SPTBN2: variants seen among roughly 807,000 people sequenced by gnomAD.
SPTBN2 encodes the protein spectrin beta, non-erythrocytic 2, also known as spectrin beta chain, non-erythrocytic 2.
A neutral mutation model predicts 284.2 loss-of-function variants in SPTBN2; 107 were observed. The observed-to-expected ratio is 0.38, with a 90% CI of 0.32 to 0.44. The LOEUF is 0.44. Ranked by LOEUF, SPTBN2 falls within the 20% of genes least tolerant of loss-of-function variation. The probability of loss-of-function intolerance (pLI) is 1.00; values close to 1 mark genes in which losing one functional copy is unlikely to be tolerated. For synonymous variants in SPTBN2, 1,289 were observed against 1,354.8 expected, an observed-to-expected ratio of 0.95 and a Z score of 1.07; for missense variants, 2,569 against 3,287.1, an observed-to-expected ratio of 0.78 and a Z score of 5.34.
chr11:66,707,586 A>G lies in SPTBN2; in HGVS notation c.1583T>C (p.Leu528Pro). ...QMVAARRERL[L>P]LNLELQKVFQ... ...CACCTTCTGCAGCTCCAGGTTGAGG[A>G]GGAGCCGCTCCCGCCGGGCGGCCAC... Residue 528 changes from leucine (L) to proline (P), a missense_variant, in exon 13 of 38, where the codon CTC becomes CCC. Around this residue, in one of 6 missense-constraint regions of SPTBN2, gnomAD observed 1,012 missense variants for 1,248.9 expected, o/e 0.81. Transcript: ENST00000533211. This position sits in a 1 kb window ranked among gnomAD's most constrained non-coding sequence, Gnocchi z 4.9. 6.2e-7 allele frequency: 1 copy of G among 1,612,048 alleles called. No individual in the cohort carries two copies. The highest frequency in any genetic ancestry group is 1.1e-5 in the South Asian group (1 of 91,042).
chr11:66,715,931 G>A lies in SPTBN2; in HGVS notation c.208C>T (p.His70Tyr). The part of the protein sequence containing the change: ...KKTFTKWVNS[H>Y]LARVTCRVGD... ...ACCCGGCACGTGACCCGGGCCAGGTGCGAGTTTACCCACTTGGTGAAGGTT... is the reference window on the plus strand; with the variant it reads ...ACCCGGCACGTGACCCGGGCCAGGTACGAGTTTACCCACTTGGTGAAGGTT... The change falls in exon 4 of 38, where the codon CAC (histidine) becomes TAC (tyrosine). Residue 70 changes from histidine (H) to tyrosine (Y), a missense_variant. His to Tyr is a moderately conservative substitution (Grantham distance 83). Transcript: ENST00000533211. The surrounding 1 kb of genome is among the most constrained non-coding windows in gnomAD (Gnocchi z 5.3). 2 of 1,614,146 alleles carry A rather than the reference G, an allele frequency of 1.2e-6. No individual in the cohort carries two copies. The highest frequency in any genetic ancestry group is 1.7e-6 in the Non-Finnish European group (2 of 1,180,030).
rs1941789084 is a variant in SPTBN2, at chr11:66,710,351, T to C, written c.1073+231A>G. Among the ~76,000 whole-genome samples the C allele has an allele frequency of 6.6e-6, 1 of 152,244 alleles. No homozygotes were observed. The highest frequency in any genetic ancestry group is 2.4e-5 in the African/African-American group (1 of 41,476). Reference sequence around the variant, plus strand: ...CGCCCGCCTTGGCCTCCCAAAGTGCTGGGATTACAGGCGTGAGCCACCATG... The same window carrying C: ...CGCCCGCCTTGGCCTCCCAAAGTGCCGGGATTACAGGCGTGAGCCACCATG... On this transcript the variant is annotated intron_variant, in intron 10 of 37. Transcript: ENST00000533211. This position sits in a 1 kb window ranked among gnomAD's most constrained non-coding sequence, Gnocchi z 4.9.
intron 36 of SPTBN2, chr11:66,686,738 T>C: frequency 1.6e-6 from 1 of 637,534 alleles, no homozygotes; most frequent in South Asian, 1.9e-5. Context: ...TCCCTACCTT[T>C]GGATTTCCCA....
chr11:66,699,434 G>A lies in SPTBN2; in HGVS notation c.3748C>T (p.Arg1250Trp), dbSNP rs766723349. The A allele has an allele frequency of 1.7e-5, 28 of 1,614,000 alleles. No individual in the cohort carries two copies. Among genetic ancestry groups the A allele is most frequent in the African/African-American group, 8.0e-5 (6 of 74,984 alleles). ...CTCTCAATGGAGTCTGCCTTTTCCC[G>A]AATCTTGTCGGCGTGGATGTTGCCT... ...SEGNIHADKI[R>W]EKADSIERRH... The change falls in exon 18 of 38, where the codon CGG (arginine) becomes TGG (tryptophan). Residue 1250 changes from arginine (R) to tryptophan (W), a missense_variant. By Grantham distance (101) the Arg-to-Trp change is moderately radical. This residue lies in a region of SPTBN2 where 1,012 missense variants were observed against 1,248.9 expected (regional missense o/e 0.81). Coordinates refer to ENST00000533211, the MANE Select transcript of SPTBN2 (RefSeq NM_006946.4).
At position 66,739,904 on chromosome 11, in the gene SPTBN2, T is replaced by A. The variant is rs552934157; in HGVS notation, c.-475+4638A>T. Among the ~76,000 whole-genome samples, 265 of 152,230 alleles carry A rather than the reference T, an allele frequency of 1.7e-3. 2 individuals are homozygous for A. The highest frequency in any genetic ancestry group is 6.0e-3 in the African/African-American group (251 of 41,546). ...AAAATTAGCCAGGTACGGTGATGCA[T>A]GCCTGTAATCCCAGCTGCTCGTGAG... On this transcript the variant is annotated intron_variant, in intron 1 of 37. Coordinates refer to the SPTBN2 transcript ENST00000611817.
At chr11:66,706,099 C>T (rs894574229) in intron 13 of SPTBN2, among the ~76,000 whole-genome samples, 6 of 152,106 alleles carry the variant, frequency 3.9e-5, no homozygotes, top group Admixed American at 2.0e-4. Flanking sequence ...TCAGAATCAT[C>T]GACACCCTCC....
chr11:66,730,954 T>C (rs924451085), upstream of SPTBN2, among the ~76,000 whole-genome samples: 4 of 152,206 alleles, frequency 2.6e-5, no homozygotes, highest in African/African-American at 9.6e-5. Flanking sequence ...ACAGGGAGTA[T>C]AGCAGAATGG....
Position 66,700,165 on chromosome 11 carries a change from G to A in SPTBN2, c.3573+361C>T, listed in dbSNP as rs945193779. On this transcript the variant is annotated intron_variant, in intron 17 of 37. Transcript: ENST00000533211. The surrounding 1 kb of genome is among the most constrained non-coding windows in gnomAD (Gnocchi z 6.6). ...GATGGGGGTCTCACTATGTTGCCCA[G>A]GCTGGTCTCAAACTCCTGAGCTCAA... Among the ~76,000 whole-genome samples, 1 of 151,768 alleles carries A rather than the reference G, an allele frequency of 6.6e-6. No homozygotes were observed. The highest frequency in any genetic ancestry group is 1.5e-5 in the Non-Finnish European group (1 of 67,962).
At chr11:66,721,774 G>A (rs909603898) in intron 1 of SPTBN2, among the ~76,000 whole-genome samples, 4 of 152,166 alleles carry the variant, frequency 2.6e-5, no homozygotes, top group Admixed American at 6.5e-5. Flanking sequence ...TGTTGGGCGC[G>A]GTGGCTCACG....
At chr11:66,694,568 A>G (rs895807276) in intron 21 of SPTBN2, among the ~76,000 whole-genome samples, 3 of 152,160 alleles carry the variant, frequency 2.0e-5, no homozygotes, top group African/African-American at 7.2e-5. Flanking sequence ...AAAAATCCCT[A>G]TTGGGTACTG....
intron 3 of SPTBN2, among the ~76,000 whole-genome samples, chr11:66,717,505 C>T (rs1414263558): frequency 6.6e-6 from 1 of 152,228 alleles, no homozygotes; most frequent in African/African-American, 2.4e-5. Context: ...GTGTCTTTCA[C>T]CTCCAGCCAC....
intron 30 of SPTBN2, 63 bp from the exon 31 acceptor site, chr11:66,688,912 G>A: frequency 1.3e-6 from 2 of 1,583,360 alleles, no homozygotes; most frequent in Middle Eastern, 1.7e-4. Context: ...GGGCACAGTG[G>A]CCATGGCAAC....
intron 5 of SPTBN2, among the ~76,000 whole-genome samples, chr11:66,714,858 G>A (rs1233241435): frequency 2.0e-5 from 3 of 152,172 alleles, no homozygotes; most frequent in Non-Finnish European, 4.4e-5. Flanking sequence ...TTATGGCAGG[G>A]AATTGGTGCC....
At chr11:66,722,627 TC>T (rs1192595342) in intron 1 of SPTBN2, among the ~76,000 whole-genome samples, 1 of 141,782 alleles carries the variant, frequency 7.1e-6, no homozygotes, top group Non-Finnish European at 1.5e-5. Context: ...GGGCATTGGC[TC>T]ACACCTGTAA....
In SPTBN2 at chr11:66,685,966, G is replaced by C. The variant is rs1315086037; in HGVS notation, c.7078C>G (p.Pro2360Ala). 1 of 1,613,854 alleles carries C rather than the reference G, an allele frequency of 6.2e-7. No homozygotes were observed. Among genetic ancestry groups the C allele is most frequent in the Non-Finnish European group, 8.5e-7 (1 of 1,180,014 alleles). The change falls in exon 38 of 38, where the codon CCC (proline) becomes GCC (alanine). Residue 2360 changes from proline (P) to alanine (A), a missense_variant. This residue lies in a region of SPTBN2 where 1,130 missense variants were observed against 1,317.3 expected (regional missense o/e 0.86). Coordinates refer to ENST00000533211, the MANE Select transcript of SPTBN2 (RefSeq NM_006946.4). The surrounding 1 kb of genome is among the most constrained non-coding windows in gnomAD (Gnocchi z 4.4). ...ACAACAGGCCCCTCAGCCCCGACGG[G>C]TGACACTGGGGGCATGGTCATGGCC... Reference protein sequence around the residue: ...TRAMTMPPVSPVGAEGPVVLR... With the variant: ...TRAMTMPPVSAVGAEGPVVLR...
intron 20 of SPTBN2, among the ~76,000 whole-genome samples, chr11:66,698,086 G>C (rs1941030120): frequency 6.6e-6 from 1 of 152,186 alleles, no homozygotes; most frequent in Admixed American, 6.5e-5. Flanking sequence ...AGCTGGGTGG[G>C]AGACCAAGAA....
In SPTBN2 at chr11:66,704,343, T is replaced by G. The variant is rs1244606311; in HGVS notation, c.2678+255A>C. Among the ~76,000 whole-genome samples, 4 of 152,288 alleles carry G rather than the reference T, an allele frequency of 2.6e-5. No individual in the cohort carries two copies. In the South Asian group the frequency reaches 8.3e-4, roughly 32 times the overall value. ...GATGTGCTAATCTTGGGGATTTGCTTTTTAAAAGGGCAGAGAACCAAATAG... is the reference window on the plus strand; with the variant it reads ...GATGTGCTAATCTTGGGGATTTGCTGTTTAAAAGGGCAGAGAACCAAATAG... On this transcript the variant is annotated intron_variant, in intron 15 of 37. Transcript: ENST00000533211.
chr11:66,704,557 A>AC, intron 15 of SPTBN2, 41 bp downstream of exon 15: 2 of 1,033,982 alleles, frequency 1.9e-6, no homozygotes, highest in Non-Finnish European at 2.7e-6. Context: ...CCCCACCCCC[A>AC]CCTCCCAAGG....
In SPTBN2 at chr11:66,691,268, C is replaced by T; in HGVS notation, c.5565+16G>A. The T allele has an allele frequency of 6.6e-7, 1 of 1,515,402 alleles. No homozygotes were observed. Among genetic ancestry groups the T allele is most frequent in the South Asian group, 1.3e-5 (1 of 75,448 alleles). The allele number at this position is 1,515,402 out of a possible 1,614,324, so 93.9% of individuals were successfully genotyped here. ...CTCCTCTAAGCCTCCCCCACCTCCT[C>T]ATGCTTGGGTCAGACCTGGGGGCTG... On this transcript the variant is annotated intron_variant, in intron 27 of 37. Transcript: ENST00000533211. This position sits in a 1 kb window ranked among gnomAD's most constrained non-coding sequence, Gnocchi z 8.0.
Sources: gnomAD v4.1 joint callset for allele counts (sites outside exome capture counted in the v4.1 genomes callset) on GRCh38, gnomAD v4.1.1 for gene constraint, gnomAD v4.1.1 regional missense constraint, Gnocchi (gnomAD v3.1) non-coding constraint, MANE v1.5 for transcripts, NCBI Gene and HGNC (gene_info 2026-07-23, HGNC 2026-07-21) for gene names.